The following EVA1C variants were observed in gnomAD, a reference collection of about 807,000 sequenced individuals.
EVA1C encodes the protein protein eva-1 homolog C.
Under a neutral mutation model 45.4 loss-of-function variants are expected in EVA1C, and 25 were observed. The ratio of observed to expected loss-of-function variants is 0.55; its 90% CI spans 0.40 to 0.77. The LOEUF (loss-of-function observed/expected upper bound fraction) is 0.77, where lower values mean the gene tolerates loss of function less well. EVA1C is among the 30% of genes least tolerant of loss of function. The probability of loss-of-function intolerance (pLI) is 0.00; values close to 1 mark genes in which losing one functional copy is unlikely to be tolerated. For synonymous variants in EVA1C, 190 were observed against 221.2 expected, an observed-to-expected ratio of 0.86 and a Z score of 1.25; for missense variants, 479 against 554.8, an observed-to-expected ratio of 0.86 and a Z score of 1.37.
intron 4 of EVA1C, among the ~76,000 whole-genome samples, chr21:32,490,298 G>C (rs374664349): frequency 5.3e-5 from 8 of 152,148 alleles, no homozygotes; most frequent in African/African-American, 1.9e-4. Context: ...CACTACTCTA[G>C]GTCCATCATA....
At chr21:32,502,350 C>T (rs1465822772) in intron 6 of EVA1C, among the ~76,000 whole-genome samples, 4 of 152,066 alleles carry the variant, frequency 2.6e-5, no homozygotes, top group African/African-American at 4.8e-5. Flanking sequence ...CTCCTCGTCT[C>T]GGCCTCCCAA....
chr21:32,473,161 A>G (rs2036437285), intron 4 of EVA1C, among the ~76,000 whole-genome samples: 1 of 152,220 alleles, frequency 6.6e-6, no homozygotes, highest in Non-Finnish European at 1.5e-5. Flanking sequence ...TGGCTCTCTG[A>G]GCTGGTGCAT....
At chr21:32,501,001 C>T (rs1030553161) in intron 5 of EVA1C, among the ~76,000 whole-genome samples, 24 of 151,956 alleles carry the variant, frequency 1.6e-4, no homozygotes, top group Admixed American at 1.1e-3. Context: ...TCAGTACAGA[C>T]GGGGTTTCAT....
chr21:32,503,853 C>A, intron 6 of EVA1C, 73 bp from the exon 7 acceptor site: 3 of 983,996 alleles, frequency 3.0e-6, no homozygotes, highest in East Asian at 2.6e-5. Flanking sequence ...GGGGTAGGAG[C>A]AGCAGGGGTG....
intron 4 of EVA1C, among the ~76,000 whole-genome samples, chr21:32,493,075 T>C (rs1444039251): frequency 1.3e-5 from 2 of 152,184 alleles, no homozygotes; most frequent in Non-Finnish European, 2.9e-5. Flanking sequence ...GGGAACTAGA[T>C]GATGACCAAA....
chr21:32,469,288 A>G (rs1466519826), intron 4 of EVA1C, among the ~76,000 whole-genome samples: 3 of 152,222 alleles, frequency 2.0e-5, no homozygotes, highest in Non-Finnish European at 4.4e-5. Context: ...GGGGAAGGGC[A>G]GGTGGAGAAG....
At chr21:32,451,732 T>C (rs569699650) in intron 1 of EVA1C, among the ~76,000 whole-genome samples, 124 of 152,330 alleles carry the variant, frequency 8.1e-4, no homozygotes, top group Middle Eastern at 3.4e-3. Context: ...CGGCATTCCT[T>C]GGCTTCAGGT....
In EVA1C at chr21:32,412,825, T is replaced by G; in HGVS notation, c.-29T>G. On this transcript the variant is annotated 5_prime_UTR_variant, in exon 1 of 8. Coordinates refer to ENST00000300255, the MANE Select transcript of EVA1C (RefSeq NM_058187.5). ...TGCGACCCCCAGCGCGTCCCGGGCC[T>G]GCGCCTCCGCCCCGCCGCGCAGCGC... is the stretch of plus-strand genomic sequence containing the variant. The G allele has an allele frequency of 7.3e-7, 1 of 1,378,320 alleles. No homozygotes were observed. Among genetic ancestry groups the G allele is most frequent in the East Asian group, 3.1e-5 (1 of 32,666 alleles). 85.4% of individuals were successfully genotyped at this position (1,378,320 alleles called of 1,614,324 possible).
intron 1 of EVA1C, among the ~76,000 whole-genome samples, chr21:32,450,089 A>C (rs369449611): frequency 1.5e-4 from 23 of 152,204 alleles, no homozygotes; most frequent in African/African-American, 5.3e-4. Flanking sequence ...TGCCCCCAGA[A>C]TACCACTCTC....
intron 1 of EVA1C, among the ~76,000 whole-genome samples, chr21:32,430,164 C>T (rs2034643978): frequency 6.6e-6 from 1 of 152,204 alleles, no homozygotes; most frequent in Non-Finnish European, 1.5e-5. Flanking sequence ...TCAAGCATGC[C>T]TCACAAAGGG....
chr21:32,496,833 C>A (rs907358049), intron 5 of EVA1C: 8 of 848,082 alleles, frequency 9.4e-6, no homozygotes, highest in Non-Finnish European at 1.4e-5. Context: ...TGAAAGGAGA[C>A]CAGGTGACTG....
chr21:32,447,853 C>T (rs2035421084), intron 1 of EVA1C, among the ~76,000 whole-genome samples: 1 of 152,160 alleles, frequency 6.6e-6, no homozygotes, highest in Admixed American at 6.5e-5. Flanking sequence ...TTACAAGCGC[C>T]TGCCACCACG....
intron 1 of EVA1C, 79 bp downstream of exon 1, chr21:32,413,092 C>T: frequency 1.7e-6 from 2 of 1,191,900 alleles, no homozygotes; most frequent in Non-Finnish European, 2.2e-6. Flanking sequence ...GCAGCCGCAC[C>T]AGTGGACACG....
chr21:32,440,662 T>C (rs2035141126), intron 1 of EVA1C, among the ~76,000 whole-genome samples: 1 of 152,236 alleles, frequency 6.6e-6, no homozygotes, highest in African/African-American at 2.4e-5. Context: ...TCCGTAGATG[T>C]GTGTGTAGCA....
At chr21:32,423,433 A>C (rs983054280) in intron 1 of EVA1C, among the ~76,000 whole-genome samples, 3 of 152,150 alleles carry the variant, frequency 2.0e-5, no homozygotes, top group Non-Finnish European at 4.4e-5. Context: ...ACTCCAAAAA[A>C]TCATTCCTTC....
chr21:32,502,036 CTTTCTTT>C (rs1360099518), intron 6 of EVA1C, among the ~76,000 whole-genome samples: 3 of 78,236 alleles, frequency 3.8e-5, no homozygotes, highest in African/African-American at 1.4e-4. Context: ...TTCTTTCTTT[CTTTCTTT>C]CTTTCTTTCT....
chr21:32,495,296 C>T (rs1344628105), intron 5 of EVA1C, 126 bp downstream of exon 5: 3 of 896,622 alleles, frequency 3.3e-6, no homozygotes, highest in Non-Finnish European at 5.0e-6. Flanking sequence ...GCTGTTTGGT[C>T]ATCCCAGATA....
chr21:32,459,105 T>C (rs991479248), intron 3 of EVA1C, among the ~76,000 whole-genome samples: 1 of 151,934 alleles, frequency 6.6e-6, no homozygotes, highest in Admixed American at 6.6e-5. Context: ...TAACAGACGC[T>C]CCTCACACTC....
intron 4 of EVA1C, among the ~76,000 whole-genome samples, chr21:32,475,378 T>C (rs779542699): frequency 2.6e-5 from 4 of 152,126 alleles, no homozygotes; most frequent in Non-Finnish European, 5.9e-5. Flanking sequence ...ATTTTTATTG[T>C]TCTGCACAAA....
Sources: gnomAD v4.1 joint callset for allele counts (sites outside exome capture counted in the v4.1 genomes callset) on GRCh38, gnomAD v4.1.1 for gene constraint, MANE v1.5 for transcripts, NCBI Gene and HGNC (gene_info 2026-07-23, HGNC 2026-07-21) for gene names.